Variants in DNER observed in about 807,000 individuals in gnomAD.
DNER encodes the protein delta and Notch-like epidermal growth factor-related receptor.
DNER carries 33 observed loss-of-function variants against 78.2 expected under a neutral mutation model. That is an observed-to-expected ratio of 0.42 (90% CI 0.32 to 0.56). The LOEUF (loss-of-function observed/expected upper bound fraction) is 0.56, where lower values mean the gene tolerates loss of function less well. DNER is among the 20% of genes least tolerant of loss of function. DNER has a pLI of 0.11. For synonymous variants in DNER, 417 were observed against 384.8 expected, an observed-to-expected ratio of 1.08 and a Z score of -0.98; for missense variants, 918 against 975.3, an observed-to-expected ratio of 0.94 and a Z score of 0.78.
At chr2:229,681,052 G>T (rs528553514) in intron 1 of DNER, among the ~76,000 whole-genome samples, 2 of 152,308 alleles carry the variant, frequency 1.3e-5, no homozygotes, top group East Asian at 1.9e-4. Flanking sequence ...CATATATGGG[G>T]TATGCTGATA....
At chr2:229,385,052 C>T (rs1161743761) in intron 11 of DNER, among the ~76,000 whole-genome samples, 1 of 150,344 alleles carries the variant, frequency 6.7e-6, no homozygotes, top group African/African-American at 2.5e-5. Context: ...CATCAAAAAG[C>T]TTATCCACCA....
intron 5 of DNER, among the ~76,000 whole-genome samples, chr2:229,545,522 C>T (rs1379626937): frequency 1.3e-5 from 2 of 152,168 alleles, no homozygotes; most frequent in Non-Finnish European, 2.9e-5. Context: ...TGCAGTGAGC[C>T]GAGATCGCGC....
chr2:229,623,611 G>A (rs1480872638), intron 1 of DNER, among the ~76,000 whole-genome samples: 1 of 152,238 alleles, frequency 6.6e-6, no homozygotes, highest in Non-Finnish European at 1.5e-5. Context: ...CAATAAGGAA[G>A]AAGACAGAAA....
At chr2:229,667,932 A>G (rs1034016445) in intron 1 of DNER, among the ~76,000 whole-genome samples, 2 of 152,244 alleles carry the variant, frequency 1.3e-5, no homozygotes, top group African/African-American at 2.4e-5. Flanking sequence ...TAATTTGGCC[A>G]TGGAGGGACT....
intron 1 of DNER, among the ~76,000 whole-genome samples, chr2:229,652,517 AAG>A (rs1698837875): frequency 6.6e-6 from 1 of 152,212 alleles, no homozygotes; most frequent in Non-Finnish European, 1.5e-5. Flanking sequence ...TATGATGTTA[AAG>A]AGAGAGGTGG....
rs184179465 is a variant in DNER, at chr2:229,423,823, C to T, written c.1487-5593G>A. 2.4e-3 allele frequency among the ~76,000 whole-genome samples: 366 copies of T among 152,306 alleles called. 1 individual carries two copies. The highest frequency in any genetic ancestry group is 4.0e-3 in the Non-Finnish European group (275 of 68,030). On this transcript the variant is annotated intron_variant, in intron 8 of 12. Coordinates refer to ENST00000341772, the MANE Select transcript of DNER (RefSeq NM_139072.4). ...ATCACTTCCTCAGATAGTTTTCTGACAATGCTATTTACAGTAGCTCTTCCC... is the reference window on the plus strand; with the variant it reads ...ATCACTTCCTCAGATAGTTTTCTGATAATGCTATTTACAGTAGCTCTTCCC...
intron 2 of DNER, among the ~76,000 whole-genome samples, chr2:229,589,494 A>G (rs916340613): frequency 3.9e-5 from 6 of 152,246 alleles, no homozygotes; most frequent in African/African-American, 1.4e-4. Flanking sequence ...CAGAAAGGGG[A>G]TAATAATATG....
chr2:229,569,042 C>A (rs1427813875), intron 4 of DNER, among the ~76,000 whole-genome samples: 1 of 151,702 alleles, frequency 6.6e-6, no homozygotes, highest in Non-Finnish European at 1.5e-5. Context: ...TGGATGGATG[C>A]GTATCTATGT....
intron 1 of DNER, among the ~76,000 whole-genome samples, chr2:229,628,252 A>G (rs1221458143): frequency 6.6e-6 from 1 of 152,190 alleles, no homozygotes; most frequent in East Asian, 1.9e-4. Flanking sequence ...CCAGGGCACC[A>G]GCTGTAGGAA....
intron 1 of DNER, among the ~76,000 whole-genome samples, chr2:229,631,770 C>T (rs1164446093): frequency 3.3e-5 from 5 of 152,058 alleles, no homozygotes; most frequent in African/African-American, 1.2e-4. Flanking sequence ...CACATCTTCA[C>T]GAAAGAGCAA....
At chr2:229,360,663 C>T (rs1025279050) in intron 12 of DNER, among the ~76,000 whole-genome samples, 3 of 152,286 alleles carry the variant, frequency 2.0e-5, no homozygotes, top group East Asian at 1.9e-4. Context: ...CCACCCGCCT[C>T]GGCCTCCCAA....
At chr2:229,564,710 A>G (rs562577835) in intron 4 of DNER, among the ~76,000 whole-genome samples, 1 of 142,448 alleles carries the variant, frequency 7.0e-6, no homozygotes, top group East Asian at 2.2e-4. Context: ...ATCATCATCA[A>G]CATCATCACC....
chr2:229,614,033 G>T (rs184560625), intron 1 of DNER, among the ~76,000 whole-genome samples: 1 of 151,110 alleles, frequency 6.6e-6, no homozygotes, highest in South Asian at 2.1e-4. Flanking sequence ...TTGTGGGGTG[G>T]GGGGGAGCGG....
At chr2:229,466,000 T>G (rs1381114602) in intron 7 of DNER, among the ~76,000 whole-genome samples, 2 of 152,120 alleles carry the variant, frequency 1.3e-5, no homozygotes, top group Non-Finnish European at 2.9e-5. Context: ...TTGTCACCTC[T>G]GCAATGCATT....
intron 1 of DNER, among the ~76,000 whole-genome samples, chr2:229,644,482 C>T (rs1016337475): frequency 2.6e-5 from 4 of 151,714 alleles, no homozygotes; most frequent in South Asian, 2.1e-4. Flanking sequence ...ATCCCAGCTA[C>T]GCGGAAGGCA....
chr2:229,373,929 C>T (rs13001246), intron 11 of DNER, among the ~76,000 whole-genome samples: 190 of 151,990 alleles, frequency 1.3e-3, no homozygotes, highest in African/African-American at 4.3e-3. Flanking sequence ...GTTTGGGAGA[C>T]CGAAGTGGGT....
At chr2:229,543,304 C>T (rs1696553952) in intron 5 of DNER, among the ~76,000 whole-genome samples, 1 of 152,166 alleles carries the variant, frequency 6.6e-6, no homozygotes, top group South Asian at 2.1e-4. Flanking sequence ...GGCCAAGTTA[C>T]CTGCCCGGTG....
chr2:229,591,710 T>A lies in DNER; in HGVS notation c.455A>T (p.Gln152Leu), dbSNP rs888961723. The change falls in exon 2 of 13, where the codon CAG (glutamine) becomes CTG (leucine). Residue 152 changes from glutamine to leucine, a missense_variant. Transcript: ENST00000341772. This position sits in a 1 kb window ranked among gnomAD's most constrained non-coding sequence, Gnocchi z 4.6. ...CTGAGTAGCAGGAACAGGCTGAAGC[T>A]GTCGGGGTGCCATGGATTCGGTCCA... ...TGWTESMAPR[Q>L]LQPVPATQEP... 2.5e-6 allele frequency: 4 copies of A among 1,614,082 alleles called. No individual in the cohort carries two copies. In the African/African-American group the frequency reaches 5.3e-5, roughly 22 times the overall value.
intron 10 of DNER, among the ~76,000 whole-genome samples, chr2:229,393,100 T>C (rs1693052095): frequency 6.6e-6 from 1 of 152,178 alleles, no homozygotes; most frequent in African/African-American, 2.4e-5. Flanking sequence ...CTTTTAGATA[T>C]GAAAAATACA....
Sources: allele counts gnomAD v4.1 joint callset (sites outside exome capture counted in the v4.1 genomes callset), GRCh38; gene constraint gnomAD v4.1.1; non-coding constraint Gnocchi (gnomAD v3.1); transcripts MANE v1.5; gene names NCBI Gene and HGNC (gene_info 2026-07-23, HGNC 2026-07-21).